Variants in ARHGEF7 observed in about 807,000 individuals in gnomAD.
ARHGEF7 encodes the protein Rho guanine nucleotide exchange factor 7, also known as PAK-interacting exchange factor beta.
A neutral mutation model predicts 109.8 loss-of-function variants in ARHGEF7; 33 were observed. The observed-to-expected ratio is 0.30, with a 90% CI of 0.23 to 0.40. The LOEUF is 0.40. Among genes scored for constraint, ARHGEF7 ranks in the 10% least tolerant of loss-of-function variants. The pLI, the probability that ARHGEF7 is intolerant of heterozygous loss-of-function variation, is 1.00. For synonymous variants in ARHGEF7, 458 were observed against 424.6 expected (o/e 1.08, Z -0.97); for missense variants, 938 against 1,098.5 (o/e 0.85, Z 2.07).
rs375440944 is a variant in ARHGEF7 at position 111,154,005 on chromosome 13, G to A, written c.252+14G>A. Reference sequence around the variant, plus strand: ...CTGCGGCTGGAGGTGAGCGCGGGCGGCCACGGGCCGAGGGAGGGGCCGGGA... The same window carrying A: ...CTGCGGCTGGAGGTGAGCGCGGGCGACCACGGGCCGAGGGAGGGGCCGGGA... On this transcript the variant is annotated intron_variant, in intron 2 of 21. Coordinates refer to ENST00000646102, the MANE Select transcript of ARHGEF7 (RefSeq NM_001354046.2). The A allele has an allele frequency of 1.4e-4, 216 of 1,593,626 alleles. No individual in the cohort carries two copies. In the African/African-American group the frequency reaches 2.7e-3, roughly 20 times the overall value.
At chr13:111,115,194 G>A (rs1566575032), upstream of ARHGEF7, 1 of 146,610 alleles carries the variant, frequency 6.8e-6, no homozygotes, top group East Asian at 2.0e-4. Context: ...AGGCTGCGCA[G>A]GGCGCGGGGC....
chr13:111,209,833 G>T, intron 3 of ARHGEF7, 39 bp from the exon 4 acceptor site: 1 of 1,603,886 alleles, frequency 6.2e-7, no homozygotes, highest in Non-Finnish European at 8.5e-7. Flanking sequence ...GGTATCAGGC[G>T]CTCTCAGCTC....
chr13:111,122,785 T>C (rs2067280277), intron 1 of ARHGEF7: 1 of 152,212 alleles, frequency 6.6e-6, no homozygotes, highest in Admixed American at 6.5e-5. Flanking sequence ...TTGTGAGTTC[T>C]CAGGATGAAG....
intron 5 of ARHGEF7, among the ~76,000 whole-genome samples, chr13:111,232,966 C>G (rs896788717): frequency 1.3e-5 from 2 of 152,114 alleles, no homozygotes; most frequent in Admixed American, 6.5e-5. Context: ...ACGCCTTCAA[C>G]TTGAAACTGG....
At chr13:111,275,995 C>G (rs762203003) in intron 12 of ARHGEF7, 2 of 315,168 alleles carry the variant, frequency 6.3e-6, no homozygotes, top group Admixed American at 4.0e-5. Context: ...GAGCTGTATG[C>G]GCTTATCTGG....
chr13:111,203,604 T>C lies in ARHGEF7; in HGVS notation c.253-1685T>C, dbSNP rs530277471. Among the ~76,000 whole-genome samples the C allele has an allele frequency of 2.6e-5, 4 of 152,354 alleles. No homozygotes were observed. The South Asian group carries it at 8.3e-4, about 32-fold the overall frequency. ...TTACGTTTTGTGGTTCCATCTGATA[T>C]TTCCTTGTGAACTTTAAGAAAGTGA... On this transcript the variant is annotated intron_variant, in intron 2 of 21. Coordinates refer to ENST00000646102, the MANE Select transcript of ARHGEF7 (RefSeq NM_001354046.2).
At chr13:111,210,080 T>A in intron 4 of ARHGEF7, 78 bp downstream of exon 4, 1 of 1,571,028 alleles carries the variant, frequency 6.4e-7, no homozygotes, top group Non-Finnish European at 8.7e-7. Context: ...AGAAGATACG[T>A]ATGCCTCCAT....
intron 1 of ARHGEF7, among the ~76,000 whole-genome samples, chr13:111,146,969 T>A (rs1323872020): frequency 6.6e-6 from 1 of 152,232 alleles, no homozygotes; most frequent in Non-Finnish European, 1.5e-5. Flanking sequence ...GTTAGAGTTC[T>A]TGATGGAAAA....
At chr13:111,280,814 C>T (rs1326540447) in intron 15 of ARHGEF7, 137 bp downstream of exon 15, 64 of 1,039,534 alleles carry the variant, frequency 6.2e-5, no homozygotes, top group Non-Finnish European at 6.4e-5. Flanking sequence ...TCACATTTCT[C>T]TGCAGATCTT....
chr13:111,266,796 G>A lies in ARHGEF7; in HGVS notation c.951-752G>A, dbSNP rs1018565005. Reference sequence around the variant, plus strand: ...GACACCCTGGGGTGCAGGGAAGGTGGTAAGAGTTCACGTGGTTCTCCTGTT... The same window carrying A: ...GACACCCTGGGGTGCAGGGAAGGTGATAAGAGTTCACGTGGTTCTCCTGTT... On this transcript the variant is annotated intron_variant, in intron 8 of 21. Transcript: ENST00000646102. This position sits in a 1 kb window ranked among gnomAD's most constrained non-coding sequence, Gnocchi z 4.8. 1.3e-5 allele frequency: 6 copies of A among 455,860 alleles called. No individual in the cohort carries two copies. Among genetic ancestry groups the A allele is most frequent in the Middle Eastern group, 3.2e-4 (1 of 3,090 alleles). The allele number at this position is 455,860 out of a possible 1,614,324, so 28.2% of individuals were successfully genotyped here.
chr13:111,299,589 G>A (rs1290122804), intron 19 of ARHGEF7, among the ~76,000 whole-genome samples: 2 of 152,058 alleles, frequency 1.3e-5, no homozygotes, highest in African/African-American at 2.4e-5. Context: ...TGATCCACCC[G>A]CCTCCGCCTC....
intron 3 of ARHGEF7, among the ~76,000 whole-genome samples, chr13:111,206,277 G>A (rs1377467251): frequency 6.6e-6 from 1 of 151,456 alleles, no homozygotes; most frequent in Admixed American, 6.6e-5. Flanking sequence ...GAGAGACGGG[G>A]GTTATGCATG....
chr13:111,301,212 A>G (rs904504940), intron 20 of ARHGEF7, among the ~76,000 whole-genome samples: 6 of 152,014 alleles, frequency 3.9e-5, no homozygotes, highest in Non-Finnish European at 5.9e-5. Flanking sequence ...GCCTCCCAAA[A>G]TGCTGGGATT....
chr13:111,151,496 T>C (rs2153371380), intron 1 of ARHGEF7, among the ~76,000 whole-genome samples: 1 of 152,360 alleles, frequency 6.6e-6, no homozygotes, highest in East Asian at 1.9e-4. Context: ...ATATGACTTT[T>C]TTTATTGGTT....
In ARHGEF7 at chr13:111,266,759, C is replaced by A; in HGVS notation, c.951-789C>A. 1 of 454,858 alleles carries A rather than the reference C, an allele frequency of 2.2e-6. No homozygotes were observed. Among genetic ancestry groups the A allele is most frequent in the Middle Eastern group, 3.3e-4 (1 of 3,062 alleles). 28.2% of individuals were successfully genotyped at this position (454,858 alleles called of 1,614,324 possible). On this transcript the variant is annotated intron_variant, in intron 8 of 21. Coordinates refer to ENST00000646102, the MANE Select transcript of ARHGEF7 (RefSeq NM_001354046.2). This position sits in a 1 kb window ranked among gnomAD's most constrained non-coding sequence, Gnocchi z 4.8. Reference sequence around the variant, plus strand: ...ATCCTTCTGGTAATATTGTGGGTATCTGGGGAGCAAAGACACCCTGGGGTG... The same window carrying A: ...ATCCTTCTGGTAATATTGTGGGTATATGGGGAGCAAAGACACCCTGGGGTG...
chr13:111,283,974 TC>T (rs2092909231), intron 16 of ARHGEF7, among the ~76,000 whole-genome samples: 1 of 152,136 alleles, frequency 6.6e-6, no homozygotes, highest in Non-Finnish European at 1.5e-5. Context: ...TGTTAACACT[TC>T]CTTACACTTT....
At chr13:111,274,010 G>A (rs553853181) in intron 10 of ARHGEF7, 58 bp downstream of exon 10, 103 of 1,571,740 alleles carry the variant, frequency 6.6e-5, no homozygotes, top group Non-Finnish European at 8.6e-5. Flanking sequence ...GGCATGGTCA[G>A]ACTTACTGTG....
chr13:111,217,701 A>G lies in ARHGEF7; in HGVS notation c.491A>G (p.Asn164Ser), dbSNP rs1258338172. The G allele has an allele frequency of 6.2e-7, 1 of 1,614,178 alleles. No homozygotes were observed. The highest frequency in any genetic ancestry group is 8.5e-7 in the Non-Finnish European group (1 of 1,180,000). The change falls in exon 5 of 22, where the codon AAT becomes AGT. Residue 164 changes from asparagine to serine, a missense_variant. By Grantham distance (46) the Asn-to-Ser change is conservative (BLOSUM62 1). Transcript: ENST00000646102. ...TAGGACATGACCGATAATAGCAACA[A>G]TCAACTGGTAGTAAGAGCAAAGTTT... ...RSLDMTDNSN[N>S]QLVVRAKFNF...
chr13:111,117,357 G>A (rs2066865781), intron 1 of ARHGEF7, among the ~76,000 whole-genome samples: 1 of 152,218 alleles, frequency 6.6e-6, no homozygotes, highest in Non-Finnish European at 1.5e-5. Context: ...CGAATAAAAT[G>A]TTGAGCTTGC....
Sources: gnomAD v4.1 joint callset for allele counts (sites outside exome capture counted in the v4.1 genomes callset) on GRCh38, gnomAD v4.1.1 for gene constraint, Gnocchi (gnomAD v3.1) non-coding constraint, MANE v1.5 for transcripts, NCBI Gene and HGNC (gene_info 2026-07-23, HGNC 2026-07-21) for gene names.